Variants in GALNTL6 observed in about 807,000 individuals in gnomAD.
The protein encoded by GALNTL6 is polypeptide N-acetylgalactosaminyltransferase like 6, also known as polypeptide N-acetylgalactosaminyltransferase-like 6.
A neutral mutation model predicts 73.7 loss-of-function variants in GALNTL6; 46 were observed. The ratio of observed to expected loss-of-function variants is 0.62; its 90% confidence interval spans 0.49 to 0.80. The LOEUF is 0.80. GALNTL6 is among the 30% of genes least tolerant of loss of function. The pLI, the probability that GALNTL6 is intolerant of heterozygous loss-of-function variation, is 0.00. For synonymous variants in GALNTL6, 259 were observed against 263.7 expected, an observed-to-expected ratio of 0.98 and a Z score of 0.17; for missense variants, 604 against 755.0, an observed-to-expected ratio of 0.80 and a Z score of 2.34.
At chr4:172,115,221 C>T (rs1311610665) in intron 2 of GALNTL6, among the ~76,000 whole-genome samples, 3 of 151,994 alleles carry the variant, frequency 2.0e-5, no homozygotes, top group Non-Finnish European at 2.9e-5. Flanking sequence ...CCAGTATTTT[C>T]CCCCATCAAT....
At chr4:172,270,700 G>A (rs1265333630) in intron 3 of GALNTL6, among the ~76,000 whole-genome samples, 3 of 148,848 alleles carry the variant, frequency 2.0e-5, no homozygotes, top group East Asian at 4.0e-4. Context: ...GCCACTATGA[G>A]GCTTATACTT....
At position 172,069,476 on chromosome 4, in the gene GALNTL6, T is replaced by TTA. The variant is rs1463623983; in HGVS notation, c.139-160173_139-160172dup. On this transcript the variant is annotated intron_variant, in intron 2 of 12. Transcript: ENST00000506823. ...ATATAACACACATATAACATATATG[T>TTA]TATATATAACACATATGTTATATGT... is the stretch of plus-strand genomic sequence containing the variant. 2.0e-4 allele frequency among the ~76,000 whole-genome samples: 7 copies of TTA among 35,598 alleles called. 2 individuals carry two copies. Among genetic ancestry groups the TTA allele is most frequent in the Non-Finnish European group, 2.8e-4 (3 of 10,604 alleles). 23.4% of individuals were successfully genotyped at this position (35,598 alleles called of 152,430 possible). A position where few individuals can be genotyped will look rare whatever the true frequency, so the allele number is the denominator to read the frequency against.
chr4:172,543,932 C>T (rs1024018612), intron 5 of GALNTL6, among the ~76,000 whole-genome samples: 1 of 152,110 alleles, frequency 6.6e-6, no homozygotes, highest in African/African-American at 2.4e-5. Context: ...TTTATTGGCT[C>T]CTCACAACAA....
intron 5 of GALNTL6, among the ~76,000 whole-genome samples, chr4:172,580,079 T>A (rs1452460888): frequency 3.9e-5 from 6 of 152,168 alleles, no homozygotes; most frequent in Non-Finnish European, 8.8e-5. Context: ...AATAATTATA[T>A]ATTAAATGAA....
chr4:172,828,448 G>C (rs898794803), intron 7 of GALNTL6, among the ~76,000 whole-genome samples: 1 of 151,990 alleles, frequency 6.6e-6, no homozygotes, highest in Non-Finnish European at 1.5e-5. Flanking sequence ...TGCTGTCAGG[G>C]AAGGACCATT....
At chr4:173,023,340 G>A (rs144543803) in intron 12 of GALNTL6, among the ~76,000 whole-genome samples, 11 of 152,264 alleles carry the variant, frequency 7.2e-5, no homozygotes, top group African/African-American at 2.6e-4. Flanking sequence ...CTGGCAGGTT[G>A]TGGCTGTGTC....
intron 2 of GALNTL6, among the ~76,000 whole-genome samples, chr4:172,113,714 A>C (rs1732916058): frequency 6.6e-6 from 1 of 152,060 alleles, no homozygotes; most frequent in Non-Finnish European, 1.5e-5. Context: ...ACTCTTCAGG[A>C]AACGCATTGA....
chr4:172,721,985 G>A (rs543535892), intron 5 of GALNTL6, among the ~76,000 whole-genome samples: 7 of 93,906 alleles, frequency 7.5e-5, no homozygotes, highest in African/African-American at 1.3e-4. Flanking sequence ...GTGGCGGAAG[G>A]CTTTTTTTTT....
At chr4:172,960,816 G>A (rs1035290230) in intron 10 of GALNTL6, among the ~76,000 whole-genome samples, 6 of 152,182 alleles carry the variant, frequency 3.9e-5, no homozygotes, top group African/African-American at 1.2e-4. Context: ...GGTCAGGTAT[G>A]AGTTGAAGAG....
At chr4:172,069,448 A>AT (rs1560909292) in intron 2 of GALNTL6, among the ~76,000 whole-genome samples, 1 of 78,370 alleles carries the variant, frequency 1.3e-5, no homozygotes, top group African/African-American at 4.8e-5. Flanking sequence ...ATATATATGT[A>AT]ATATATAACA....
chr4:172,824,244 C>T (rs1201488877), intron 7 of GALNTL6, among the ~76,000 whole-genome samples: 5 of 151,996 alleles, frequency 3.3e-5, no homozygotes, highest in Non-Finnish European at 7.4e-5. Flanking sequence ...CAGGGGTCAG[C>T]GAGCAGTCTC....
chr4:172,886,432 A>C (rs768486503), intron 8 of GALNTL6, among the ~76,000 whole-genome samples: 2 of 152,002 alleles, frequency 1.3e-5, no homozygotes, highest in Non-Finnish European at 2.9e-5. Context: ...TCTCTCTTCC[A>C]TTCTTAGTCT....
In GALNTL6 at chr4:172,572,869, A is replaced by G. The variant is rs569782956; in HGVS notation, c.553+224180A>G. Among the ~76,000 whole-genome samples the G allele has an allele frequency of 2.7e-4, 41 of 152,274 alleles. 1 individual carries two copies. The South Asian group carries it at 8.1e-3, about 30-fold the overall frequency. On this transcript the variant is annotated intron_variant, in intron 5 of 12. Coordinates refer to ENST00000506823, the MANE Select transcript of GALNTL6 (RefSeq NM_001034845.3). Reference sequence around the variant, plus strand: ...CCTGTTGCTTTTTCCCTGATTATCAAGTCCTGGATTTCTCAAATTTAATCT... The same window carrying G: ...CCTGTTGCTTTTTCCCTGATTATCAGGTCCTGGATTTCTCAAATTTAATCT...
intron 2 of GALNTL6, among the ~76,000 whole-genome samples, chr4:172,098,527 G>C (rs1579136869): frequency 1.3e-5 from 2 of 152,088 alleles, no homozygotes; most frequent in South Asian, 4.1e-4. Flanking sequence ...TCTGATATGA[G>C]TTCTCTGGGT....
chr4:172,594,590 ACT>A (rs1176824206), intron 5 of GALNTL6, among the ~76,000 whole-genome samples: 1 of 152,054 alleles, frequency 6.6e-6, no homozygotes, highest in East Asian at 1.9e-4. Flanking sequence ...AAACACATTT[ACT>A]CTCGACATAA....
intron 5 of GALNTL6, among the ~76,000 whole-genome samples, chr4:172,543,957 T>TA (rs1441261898): frequency 1.3e-5 from 2 of 152,198 alleles, no homozygotes; most frequent in African/African-American, 4.8e-5. Flanking sequence ...ATGAAATAGA[T>TA]ACAACTACCT....
intron 2 of GALNTL6, among the ~76,000 whole-genome samples, chr4:172,192,806 T>C (rs948889843): frequency 2.0e-5 from 3 of 151,830 alleles, no homozygotes; most frequent in Admixed American, 6.6e-5. Context: ...GATGAACAAG[T>C]TGGGGGGAAG....
At chr4:172,420,691 A>G (rs1731021099) in intron 5 of GALNTL6, among the ~76,000 whole-genome samples, 1 of 152,090 alleles carries the variant, frequency 6.6e-6, no homozygotes, top group Non-Finnish European at 1.5e-5. Context: ...ATTGCTCCTT[A>G]GTATATATGA....
intron 10 of GALNTL6, among the ~76,000 whole-genome samples, chr4:172,996,675 T>C (rs1031063273): frequency 6.6e-6 from 1 of 152,218 alleles, no homozygotes; most frequent in Non-Finnish European, 1.5e-5. Context: ...CAAAGCTTTC[T>C]AATCTTCAAA....
Sources: allele counts gnomAD v4.1 joint callset (sites outside exome capture counted in the v4.1 genomes callset), GRCh38; gene constraint gnomAD v4.1.1; transcripts MANE v1.5; gene names NCBI Gene and HGNC (gene_info 2026-07-23, HGNC 2026-07-21).